Variants in B3GALT1 observed in about 807,000 individuals in gnomAD.
B3GALT1 encodes UDP-Gal:betaGlcNAc beta 1,3-galactosyltransferase, polypeptide 1.
A neutral mutation model predicts 23.2 loss-of-function variants in B3GALT1; 10 were observed. The ratio of observed to expected loss-of-function variants is 0.43; its 90% CI spans 0.27 to 0.73. B3GALT1 has a LOEUF of 0.73. Ranked by LOEUF, B3GALT1 falls within the 30% of genes least tolerant of loss-of-function variation. B3GALT1 has a pLI of 0.21. For missense variants in B3GALT1, 299 were observed against 405.4 expected (o/e 0.74, Z 2.25); for synonymous variants, 156 against 141.5 (o/e 1.10, Z -0.73).
chr2:167,668,514 C>G (rs553126823), intron 3 of B3GALT1, among the ~76,000 whole-genome samples: 18 of 152,328 alleles, frequency 1.2e-4, no homozygotes, highest in Middle Eastern at 3.4e-3. Context: ...TTTACCTAAG[C>G]AAGCCTGGGC....
At chr2:167,452,440 A>C (rs934217311) in intron 1 of B3GALT1, among the ~76,000 whole-genome samples, 7 of 152,018 alleles carry the variant, frequency 4.6e-5, no homozygotes, top group South Asian at 2.1e-4. Flanking sequence ...GGTAATGTCA[A>C]ATCCTTCTCC....
chr2:167,503,742 A>C (rs1699879562), intron 2 of B3GALT1, among the ~76,000 whole-genome samples: 1 of 152,194 alleles, frequency 6.6e-6, no homozygotes, highest in Non-Finnish European at 1.5e-5. Flanking sequence ...TCTAAATTGC[A>C]ATTTTAAAAA....
intron 4 of B3GALT1, among the ~76,000 whole-genome samples, chr2:167,834,460 C>T (rs552249566): frequency 6.6e-6 from 1 of 152,320 alleles, no homozygotes; most frequent in East Asian, 1.9e-4. Context: ...ATTGTGGTCT[C>T]TTTTCCAGAA....
At chr2:167,510,213 A>T (rs922236494) in intron 2 of B3GALT1, among the ~76,000 whole-genome samples, 4 of 152,178 alleles carry the variant, frequency 2.6e-5, no homozygotes, top group Non-Finnish European at 5.9e-5. Context: ...TCTCCATAAA[A>T]TGTCTTCTTC....
intron 4 of B3GALT1, among the ~76,000 whole-genome samples, chr2:167,851,605 A>G (rs1689893133): frequency 2.0e-5 from 3 of 152,192 alleles, no homozygotes; most frequent in Admixed American, 6.5e-5. Context: ...GCACCTCACT[A>G]CCCAAAATAA....
chr2:167,732,581 ACT>A (rs1312161676), intron 3 of B3GALT1, among the ~76,000 whole-genome samples: 1 of 152,150 alleles, frequency 6.6e-6, no homozygotes, highest in African/African-American at 2.4e-5. Flanking sequence ...GTGAGTTCCC[ACT>A]CTCTCAGCAT....
At chr2:167,788,033 G>C (rs901188020) in intron 3 of B3GALT1, among the ~76,000 whole-genome samples, 1 of 152,168 alleles carries the variant, frequency 6.6e-6, no homozygotes, top group Non-Finnish European at 1.5e-5. Context: ...TCCTGGCCCT[G>C]GTGGAGCCAG....
chr2:167,568,122 A>T (rs1224203598), intron 2 of B3GALT1, among the ~76,000 whole-genome samples: 1 of 152,096 alleles, frequency 6.6e-6, no homozygotes, highest in Admixed American at 6.5e-5. Context: ...CAGTTTATTC[A>T]TTCACCTACT....
chr2:167,300,407 T>A (rs1244998947), intron 1 of B3GALT1, among the ~76,000 whole-genome samples: 1 of 152,094 alleles, frequency 6.6e-6, no homozygotes, highest in African/African-American at 2.4e-5. Context: ...ATACAGACAA[T>A]CACAGTTAAA....
intron 4 of B3GALT1, among the ~76,000 whole-genome samples, chr2:167,859,307 A>T (rs1398722790): frequency 6.6e-6 from 1 of 152,202 alleles, no homozygotes; most frequent in Non-Finnish European, 1.5e-5. Context: ...ATTTAAAATG[A>T]TGAAATATCC....
intron 3 of B3GALT1, among the ~76,000 whole-genome samples, chr2:167,766,082 C>T (rs1475404677): frequency 6.6e-6 from 1 of 152,166 alleles, no homozygotes; most frequent in Non-Finnish European, 1.5e-5. Context: ...TTATTTGATT[C>T]CCATAGATTA....
rs746571015 is a variant in B3GALT1 at position 167,869,371 on chromosome 2, A to G, written c.332A>G (p.Lys111Arg). The change falls in exon 5 of 5, where the codon AAG becomes AGG. Residue 111 changes from lysine to arginine, a missense_variant. Around this residue, in one of 3 missense-constraint regions of B3GALT1, gnomAD observed 162 missense variants for 184.1 expected, o/e 0.88. Coordinates refer to ENST00000392690, the MANE Select transcript of B3GALT1 (RefSeq NM_020981.4). This position sits in a 1 kb window ranked among gnomAD's most constrained non-coding sequence, Gnocchi z 6.4. ...WGDENNFKGIKIATLFLLGKN... is the reference protein window; with the variant it reads ...WGDENNFKGIRIATLFLLGKN... ...GATGAGAACAACTTTAAGGGGATCAAGATAGCCACCCTGTTCCTCCTGGGC... is the reference window on the plus strand; with the variant it reads ...GATGAGAACAACTTTAAGGGGATCAGGATAGCCACCCTGTTCCTCCTGGGC... 4 of 1,614,174 alleles carry G rather than the reference A, an allele frequency of 2.5e-6. No homozygotes were observed. Among genetic ancestry groups the G allele is most frequent in the East Asian group, 2.2e-5 (1 of 44,874 alleles).
intron 3 of B3GALT1, among the ~76,000 whole-genome samples, chr2:167,812,008 A>C (rs1688899102): frequency 6.6e-6 from 1 of 152,184 alleles, no homozygotes; most frequent in Non-Finnish European, 1.5e-5. Context: ...TCTCTCGCCC[A>C]TTTTCCCTAT....
intron 4 of B3GALT1, among the ~76,000 whole-genome samples, chr2:167,835,598 G>C (rs1184905683): frequency 1.3e-5 from 2 of 152,198 alleles, no homozygotes; most frequent in Admixed American, 6.5e-5. Flanking sequence ...TCCACCTCTG[G>C]GGGCAGGGCA....
intron 1 of B3GALT1, among the ~76,000 whole-genome samples, chr2:167,397,518 C>G (rs1018980185): frequency 1.3e-5 from 2 of 152,094 alleles, no homozygotes; most frequent in Non-Finnish European, 2.9e-5. Context: ...CACTGGCCCT[C>G]TAGTTCTACT....
intron 3 of B3GALT1, among the ~76,000 whole-genome samples, chr2:167,782,801 TAC>T (rs1253625210): frequency 6.6e-6 from 1 of 152,208 alleles, no homozygotes; most frequent in East Asian, 1.9e-4. Flanking sequence ...CCTAAATATG[TAC>T]AGTTATATTC....
chr2:167,361,081 A>G (rs903848318), intron 1 of B3GALT1, among the ~76,000 whole-genome samples: 4 of 152,246 alleles, frequency 2.6e-5, no homozygotes, highest in Non-Finnish European at 5.9e-5. Flanking sequence ...TTATGTGTAT[A>G]TGTCAATTTT....
chr2:167,677,308 T>A (rs936855540), intron 3 of B3GALT1, among the ~76,000 whole-genome samples: 3 of 152,196 alleles, frequency 2.0e-5, no homozygotes, highest in Non-Finnish European at 2.9e-5. Context: ...TTGTATACCT[T>A]AAATATACAC....
chr2:167,449,021 T>C (rs1699047779), intron 1 of B3GALT1, among the ~76,000 whole-genome samples: 2 of 152,100 alleles, frequency 1.3e-5, no homozygotes, highest in Non-Finnish European at 2.9e-5. Flanking sequence ...AGTTTAAAGT[T>C]GGGTAATGTG....
Sources: allele counts gnomAD v4.1 joint callset (sites outside exome capture counted in the v4.1 genomes callset), GRCh38; gene constraint gnomAD v4.1.1; regional missense constraint gnomAD v4.1.1; non-coding constraint Gnocchi (gnomAD v3.1); transcripts MANE v1.5; gene names NCBI Gene and HGNC (gene_info 2026-07-23, HGNC 2026-07-21).